RALYL: variants seen among roughly 807,000 people sequenced by gnomAD.
The protein encoded by RALYL is RNA-binding Raly-like protein.
A neutral mutation model predicts 35.1 loss-of-function variants in RALYL; 29 were observed. The observed-to-expected ratio is 0.83, with a 90% CI of 0.61 to 1.13. The LOEUF is 1.13. RALYL is among the 50% of genes most tolerant of loss of function. The probability of loss-of-function intolerance (pLI) is 0.00; values close to 1 mark genes in which losing one functional copy is unlikely to be tolerated. For synonymous variants in RALYL, 120 were observed against 127.6 expected (o/e 0.94, Z 0.40); for missense variants, 359 against 360.4 (o/e 1.00, Z 0.03).
chr8:84,194,637 G>T (rs1256342871), intron 1 of RALYL, among the ~76,000 whole-genome samples: 1 of 152,126 alleles, frequency 6.6e-6, no homozygotes, highest in African/African-American at 2.4e-5. Context: ...ATTAACATCA[G>T]AAGTCCAGAT....
At chr8:84,402,487 C>A (rs1467742015) in intron 1 of RALYL, among the ~76,000 whole-genome samples, 1 of 152,036 alleles carries the variant, frequency 6.6e-6, no homozygotes, top group East Asian at 1.9e-4. Flanking sequence ...AAATTAAAGA[C>A]CGTCTACATG....
intron 1 of RALYL, among the ~76,000 whole-genome samples, chr8:84,282,959 G>T (rs1015363576): frequency 7.9e-5 from 12 of 151,798 alleles, no homozygotes; most frequent in African/African-American, 2.7e-4. Context: ...GCTCCTCCCT[G>T]TTTTAATGGC....
At chr8:84,810,394 A>G (rs1825649452) in intron 4 of RALYL, among the ~76,000 whole-genome samples, 1 of 152,080 alleles carries the variant, frequency 6.6e-6, no homozygotes, top group African/African-American at 2.4e-5. Context: ...GGCTCATTTT[A>G]TGGCCTATTG....
chr8:84,503,433 C>T (rs987989077), intron 1 of RALYL, among the ~76,000 whole-genome samples: 2 of 151,382 alleles, frequency 1.3e-5, no homozygotes, highest in African/African-American at 2.4e-5. Flanking sequence ...ACTGGGATTA[C>T]AGGCATGAGC....
intron 5 of RALYL, among the ~76,000 whole-genome samples, chr8:84,859,573 G>A (rs558965680): frequency 6.6e-6 from 1 of 152,312 alleles, no homozygotes; most frequent in African/African-American, 2.4e-5. Context: ...CATCCAGCCA[G>A]GCTTGGTGGC....
At chr8:84,815,080 A>G (rs967800242) in intron 4 of RALYL, among the ~76,000 whole-genome samples, 1 of 152,162 alleles carries the variant, frequency 6.6e-6, no homozygotes, top group Non-Finnish European at 1.5e-5. Context: ...CCTTCAGAAA[A>G]TCTTCGAAAT....
chr8:84,257,126 G>GTT (rs1212096852), intron 1 of RALYL, among the ~76,000 whole-genome samples: 3 of 151,620 alleles, frequency 2.0e-5, no homozygotes, highest in Middle Eastern at 6.8e-3. Flanking sequence ...ATATTTATTA[G>GTT]TTTTTTTACT....
At chr8:84,434,285 A>G (rs2047463866) in intron 1 of RALYL, among the ~76,000 whole-genome samples, 3 of 152,038 alleles carry the variant, frequency 2.0e-5, no homozygotes, top group African/African-American at 4.8e-5. Context: ...TTTATAATCC[A>G]TCTCCAAACA....
chr8:84,644,214 G>A (rs1004381843), intron 2 of RALYL, among the ~76,000 whole-genome samples: 7 of 151,988 alleles, frequency 4.6e-5, no homozygotes, highest in Non-Finnish European at 8.8e-5. Flanking sequence ...AGGGAAAAAA[G>A]GGAAAAGGGG....
chr8:84,386,350 T>G (rs1007675241), intron 1 of RALYL, among the ~76,000 whole-genome samples: 8 of 151,830 alleles, frequency 5.3e-5, no homozygotes, highest in Non-Finnish European at 1.2e-4. Flanking sequence ...ACAAAGAATA[T>G]TGTTTAATTT....
intron 2 of RALYL, among the ~76,000 whole-genome samples, chr8:84,584,370 T>A (rs1174265374): frequency 2.0e-5 from 3 of 152,156 alleles, no homozygotes; most frequent in East Asian, 1.9e-4. Context: ...TTTGGCAGGC[T>A]GAGGCAAGTG....
chr8:84,280,716 A>G (rs1465753187), intron 1 of RALYL, among the ~76,000 whole-genome samples: 4 of 150,876 alleles, frequency 2.7e-5, no homozygotes, highest in Non-Finnish European at 5.9e-5. Context: ...CCAACAAAGT[A>G]CATATATGTC....
intron 2 of RALYL, among the ~76,000 whole-genome samples, chr8:84,554,696 A>G (rs977097152): frequency 5.3e-5 from 8 of 152,140 alleles, no homozygotes; most frequent in African/African-American, 1.9e-4. Context: ...CCATATCACA[A>G]ACCAAATACC....
chr8:84,235,767 C>CTTTT (rs556495836), intron 1 of RALYL, among the ~76,000 whole-genome samples: 5 of 126,932 alleles, frequency 3.9e-5, no homozygotes, highest in Admixed American at 8.1e-5. Flanking sequence ...TTTTCTTTTT[C>CTTTT]TTTTTTTTTT....
intron 2 of RALYL, among the ~76,000 whole-genome samples, chr8:84,606,279 T>C (rs1487567809): frequency 1.3e-5 from 2 of 152,138 alleles, no homozygotes; most frequent in Non-Finnish European, 2.9e-5. Context: ...TTTACTAATT[T>C]CTTCAATCAT....
At chr8:84,194,054 G>C (rs1021066274) in intron 1 of RALYL, among the ~76,000 whole-genome samples, 2 of 152,204 alleles carry the variant, frequency 1.3e-5, no homozygotes, top group African/African-American at 2.4e-5. Flanking sequence ...GGATGGATAG[G>C]TTTGGTCAGA....
At chr8:84,563,804 C>A (rs982754490) in intron 2 of RALYL, among the ~76,000 whole-genome samples, 3 of 151,466 alleles carry the variant, frequency 2.0e-5, no homozygotes, top group Non-Finnish European at 3.0e-5. Flanking sequence ...GGGGTTTATG[C>A]TTTATTATAG....
At chr8:84,539,854 GTATATATA>G (rs1294869865) in intron 2 of RALYL, among the ~76,000 whole-genome samples, 3 of 24,200 alleles carry the variant, frequency 1.2e-4, no homozygotes, top group Admixed American at 5.1e-4. Flanking sequence ...ATATATATAT[GTATATATA>G]TATATATATA....
chr8:84,310,819 G>A lies in RALYL; in HGVS notation c.-24+126395G>A, dbSNP rs186151439. Among the ~76,000 whole-genome samples, 211 of 137,594 alleles carry A rather than the reference G, an allele frequency of 1.5e-3. 3 individuals are homozygous for A. The highest frequency in any genetic ancestry group is 5.7e-3 in the African/African-American group (199 of 34,722). The allele number at this position is 137,594 out of a possible 152,430, so 90.3% of individuals were successfully genotyped here. A position where few individuals can be genotyped will look rare whatever the true frequency, so the allele number is the denominator to read the frequency against. Reference sequence around the variant, plus strand: ...TCCCAGCACTTTGGGAGGCCGAGGCGGGTGGATCATGAGGTCAGGAGATCG... The same window carrying A: ...TCCCAGCACTTTGGGAGGCCGAGGCAGGTGGATCATGAGGTCAGGAGATCG... On this transcript the variant is annotated intron_variant, in intron 1 of 8. Coordinates refer to ENST00000521268, the MANE Select transcript of RALYL (RefSeq NM_173848.7).
Sources: allele counts gnomAD v4.1 joint callset (sites outside exome capture counted in the v4.1 genomes callset), GRCh38; gene constraint gnomAD v4.1.1; transcripts MANE v1.5; gene names NCBI Gene and HGNC (gene_info 2026-07-23, HGNC 2026-07-21).